Variants in ANP32E observed in about 807,000 individuals in gnomAD.
ANP32E encodes acidic nuclear phosphoprotein 32 family member E.
A neutral mutation model predicts 35.3 loss-of-function variants in ANP32E; 14 were observed. That is an observed-to-expected ratio of 0.40 (90% CI 0.26 to 0.62). The LOEUF is 0.62. Among genes scored for constraint, ANP32E ranks in the 20% least tolerant of loss-of-function variants. The pLI is 0.45. For missense variants in ANP32E, 198 were observed against 304.4 expected (o/e 0.65, Z 2.60); for synonymous variants, 89 against 110.4 (o/e 0.81, Z 1.22).
rs1237975232 is a variant in ANP32E, at chr1:150,231,657, T to C, written c.204+120A>G. 12 of 755,882 alleles carry C rather than the reference T, an allele frequency of 1.6e-5. No individual in the cohort carries two copies. The Admixed American group carries it at 6.8e-4, about 43-fold the overall frequency. The allele number at this position is 755,882 out of a possible 1,614,324, so 46.8% of individuals were successfully genotyped here. ...TCTCAAAATCCTATATAACTTTTTC[T>C]TATCTCTAGAAACTTAAAAACTTCT... On this transcript the variant is annotated intron_variant, in intron 2 of 6. Transcript: ENST00000583931.
chr1:150,234,648 C>A (rs1228403392), intron 1 of ANP32E: 1 of 985,480 alleles, frequency 1.0e-6, no homozygotes, highest in African/African-American at 1.7e-5. Flanking sequence ...GGCCACCAGC[C>A]CTGCTCTCGC....
At chr1:150,233,264 CAAAA>C (rs60732970) in intron 1 of ANP32E, among the ~76,000 whole-genome samples, 41,679 of 85,438 alleles carry the variant, frequency 0.49, 7,281 homozygotes, top group East Asian at 0.55. Context: ...GACTCTATCT[CAAAA>C]AAAAAAAAAA....
chr1:150,230,864 TC>T (rs1424801506), intron 2 of ANP32E, among the ~76,000 whole-genome samples, 171 bp from the exon 3 acceptor site: 2 of 151,862 alleles, frequency 1.3e-5, no homozygotes, highest in Non-Finnish European at 2.9e-5. Context: ...TGCCTCAGCC[TC>T]CCAAGTAGCT....
intron 5 of ANP32E, among the ~76,000 whole-genome samples, chr1:150,224,131 G>A (rs1022991645): frequency 6.6e-6 from 1 of 152,118 alleles, no homozygotes. Flanking sequence ...TAAGCTATAA[G>A]GAGCGAAAGG....
intron 1 of ANP32E, among the ~76,000 whole-genome samples, chr1:150,234,426 T>TAAAAA (rs11380706): frequency 3.5e-4 from 49 of 141,514 alleles, no homozygotes; most frequent in African/African-American, 1.2e-3. Context: ...AACAGGCACT[T>TAAAAA]AAAAAAAAAA....
At chr1:150,221,313 C>G (rs921704449) in intron 6 of ANP32E, among the ~76,000 whole-genome samples, 8 of 150,164 alleles carry the variant, frequency 5.3e-5, no homozygotes, top group South Asian at 4.2e-4. Context: ...GTGGCAGGTG[C>G]CTGTAGTCCC....
intron 1 of ANP32E, chr1:150,234,697 CGG>C (rs1389465936): frequency 1.0e-6 from 1 of 984,456 alleles, no homozygotes; most frequent in African/African-American, 1.7e-5. Flanking sequence ...CCACACGGGG[CGG>C]GGACTCCCCA....
At chr1:150,221,422 G>C (rs1037222292) in intron 6 of ANP32E, among the ~76,000 whole-genome samples, 2 of 56,686 alleles carry the variant, frequency 3.5e-5, no homozygotes, top group Admixed American at 2.2e-4. Context: ...CTGGGCGACA[G>C]AGCAAGACTG....
chr1:150,223,030 C>A (rs1648555088), intron 6 of ANP32E, among the ~76,000 whole-genome samples, 156 bp downstream of exon 6: 1 of 151,534 alleles, frequency 6.6e-6, no homozygotes, highest in Non-Finnish European at 1.5e-5. Flanking sequence ...ACTTTTATAA[C>A]TTTGAAGGCA....
chr1:150,231,529 G>T (rs1649344002), intron 2 of ANP32E, among the ~76,000 whole-genome samples: 1 of 49,280 alleles, frequency 2.0e-5, no homozygotes, highest in African/African-American at 2.4e-4. Context: ...GGGAGGCAGA[G>T]GTTGCAATGA....
At chr1:150,232,055 C>T (rs782156762) in intron 1 of ANP32E, 129 bp from the exon 2 acceptor site, 27 of 970,390 alleles carry the variant, frequency 2.8e-5, no homozygotes, top group African/African-American at 3.4e-5. Context: ...TCAGTTAAAA[C>T]AAAATACGGC....
Position 150,223,536 on chromosome 1 carries a change from C to T in ANP32E, c.682-296G>A, listed in dbSNP as rs587760553. 4.1e-3 allele frequency among the ~76,000 whole-genome samples: 621 copies of T among 151,832 alleles called. 7 individuals carry two copies. Among genetic ancestry groups the T allele is most frequent in the Non-Finnish European group, 1.5e-3 (99 of 67,914 alleles). ...TCTCTACTAAAAATACAAAAACTAGCCGGGCATGGTGGCAGGCGCCTGTAA... is the reference window on the plus strand; with the variant it reads ...TCTCTACTAAAAATACAAAAACTAGTCGGGCATGGTGGCAGGCGCCTGTAA... On this transcript the variant is annotated intron_variant, in intron 5 of 6. Transcript: ENST00000583931.
chr1:150,234,856 C>G (rs1191455616), intron 1 of ANP32E, among the ~76,000 whole-genome samples: 1 of 152,208 alleles, frequency 6.6e-6, no homozygotes, highest in African/African-American at 2.4e-5. Flanking sequence ...CTCACATGGC[C>G]CCTCCCAACC....
chr1:150,234,036 G>A (rs993078177), intron 1 of ANP32E, among the ~76,000 whole-genome samples: 1 of 152,112 alleles, frequency 6.6e-6, no homozygotes, highest in African/African-American at 2.4e-5. Context: ...AGTACGTAAG[G>A]AGGAAAGTAA....
chr1:150,231,266 C>A (rs587759419), intron 2 of ANP32E, among the ~76,000 whole-genome samples: 3 of 152,184 alleles, frequency 2.0e-5, no homozygotes, highest in South Asian at 4.2e-4. Context: ...TATATTAAAT[C>A]CAAATTCATA....
chr1:150,220,783 T>A (rs1030301940), intron 6 of ANP32E, 22 bp from the exon 7 acceptor site: 1 of 1,592,618 alleles, frequency 6.3e-7, no homozygotes, highest in African/African-American at 1.3e-5. Context: ...GAAAGAAAAA[T>A]GCAAAGTGCT....
At chr1:150,222,113 A>G (rs902579333) in intron 6 of ANP32E, among the ~76,000 whole-genome samples, 1 of 144,706 alleles carries the variant, frequency 6.9e-6, no homozygotes, top group African/African-American at 2.9e-5. Flanking sequence ...AAAATAAAAT[A>G]AAATAAAATA....
At chr1:150,223,038 G>GC (rs1311006219) in intron 6 of ANP32E, 148 bp downstream of exon 6, 1 of 861,606 alleles carries the variant, frequency 1.2e-6, no homozygotes, top group Non-Finnish European at 1.7e-6. Flanking sequence ...AACTTTGAAG[G>GC]CACTCTATGA....
In ANP32E at chr1:150,226,705, T is replaced by C. The variant is rs1648904300; in HGVS notation, c.584A>G (p.Asp195Gly). 1.3e-6 allele frequency: 2 copies of C among 1,564,630 alleles called. No individual in the cohort carries two copies. The highest frequency in any genetic ancestry group is 3.4e-5 in the Admixed American group (2 of 58,000). Reference sequence around the variant, plus strand: ...ATCTTCATCTTCATCCTCATCCTCATCCTCCTCTTCCTCTTCCTCCTCCTC... The same window carrying C: ...ATCTTCATCTTCATCCTCATCCTCACCCTCCTCTTCCTCTTCCTCCTCCTC... The part of the protein sequence containing the change: ...EEEEEEEEEE[D>G]EDEDEDEDEA... Residue 195 changes from aspartate to glycine, a missense_variant, in exon 5 of 7, where the codon GAT becomes GGT. By Grantham distance (94) the Asp-to-Gly change is moderately conservative. This residue lies in a region of ANP32E where 121 missense variants were observed against 137.3 expected (regional missense o/e 0.88). Coordinates refer to ENST00000583931, the MANE Select transcript of ANP32E (RefSeq NM_030920.5).
Sources: allele counts gnomAD v4.1 joint callset (sites outside exome capture counted in the v4.1 genomes callset), GRCh38; gene constraint gnomAD v4.1.1; regional missense constraint gnomAD v4.1.1; transcripts MANE v1.5; gene names NCBI Gene and HGNC (gene_info 2026-07-23, HGNC 2026-07-21).